SNCAIP: variants seen among roughly 807,000 people sequenced by gnomAD.
SNCAIP encodes synuclein alpha interacting protein.
SNCAIP carries 43 observed loss-of-function variants against 86.7 expected under a neutral mutation model. The observed-to-expected ratio is 0.50, with a 90% CI of 0.39 to 0.64. SNCAIP has a LOEUF of 0.64. Among genes scored for constraint, SNCAIP ranks in the 30% least tolerant of loss-of-function variants. The pLI is 0.00. For missense variants in SNCAIP, 981 were observed against 1,103.1 expected (o/e 0.89, Z 1.57); for synonymous variants, 417 against 427.2 (o/e 0.98, Z 0.29).
At chr5:122,355,701 C>G (rs572073266) in intron 1 of SNCAIP, among the ~76,000 whole-genome samples, 1 of 152,286 alleles carries the variant, frequency 6.6e-6, no homozygotes, top group Admixed American at 6.5e-5. Context: ...GGCCTAGACT[C>G]ACAGAGGGGA....
chr5:122,427,220 G>T (rs1037011331), intron 5 of SNCAIP, among the ~76,000 whole-genome samples: 2 of 152,080 alleles, frequency 1.3e-5, no homozygotes, highest in Non-Finnish European at 2.9e-5. Flanking sequence ...AAAAATCTCT[G>T]AGTAGAAGGT....
intron 3 of SNCAIP, 151 bp downstream of exon 3, chr5:122,404,016 G>T (rs1300182073): frequency 1.2e-5 from 8 of 690,528 alleles, no homozygotes; most frequent in Non-Finnish European, 1.9e-5. Context: ...CTCATGCCCT[G>T]CCTTCAACAA....
intron 1 of SNCAIP, among the ~76,000 whole-genome samples, chr5:122,332,104 C>G (rs1755474773): frequency 6.6e-6 from 1 of 152,166 alleles, no homozygotes; most frequent in African/African-American, 2.4e-5. Context: ...TTGCAAGATG[C>G]AAAGATGCAT....
chr5:122,347,195 A>G (rs1052729241), intron 1 of SNCAIP, among the ~76,000 whole-genome samples: 1 of 152,058 alleles, frequency 6.6e-6, no homozygotes, highest in Non-Finnish European at 1.5e-5. Flanking sequence ...TTTTACCCAC[A>G]AATTGTTTGA....
chr5:122,432,780 C>T (rs1274075811), intron 6 of SNCAIP, among the ~76,000 whole-genome samples: 3 of 152,032 alleles, frequency 2.0e-5, no homozygotes, highest in Non-Finnish European at 2.9e-5. Flanking sequence ...AAATTACTAC[C>T]TCCCTTTGGA....
Position 122,451,023 on chromosome 5 carries a change from T to A in SNCAIP, c.2176T>A (p.Leu726Met), listed in dbSNP as rs180907131. 1.7e-5 allele frequency: 27 copies of A among 1,614,146 alleles called. No individual in the cohort carries two copies. The African/African-American group carries it at 3.2e-4, about 19-fold the overall frequency. ...GCACCTGATGATTAAGAAACACACC[T>A]TGGCATCAGGGGGACGCAGGTTTCC... ...SLHLMIKKHTLASGGRRFPFS... is the reference protein window; with the variant it reads ...SLHLMIKKHTMASGGRRFPFS... Residue 726 changes from leucine to methionine, a missense_variant, in exon 10 of 11, where the codon TTG becomes ATG. By Grantham distance (15) the Leu-to-Met change is conservative. Coordinates refer to ENST00000261368, the MANE Select transcript of SNCAIP (RefSeq NM_005460.4).
At chr5:122,447,845 C>A (rs1782661338) in intron 8 of SNCAIP, among the ~76,000 whole-genome samples, 1 of 152,156 alleles carries the variant, frequency 6.6e-6, no homozygotes, top group African/African-American at 2.4e-5. Flanking sequence ...AGTTGGGATA[C>A]AATTGTATGG....
chr5:122,380,431 T>C (rs1303316952), intron 1 of SNCAIP, among the ~76,000 whole-genome samples: 1 of 151,616 alleles, frequency 6.6e-6, no homozygotes, highest in African/African-American at 2.4e-5. Flanking sequence ...TCTTCTCTCT[T>C]TTTTTCTTCA....
At chr5:122,357,256 G>A (rs1761206614) in intron 1 of SNCAIP, among the ~76,000 whole-genome samples, 1 of 151,760 alleles carries the variant, frequency 6.6e-6, no homozygotes, top group African/African-American at 2.4e-5. Flanking sequence ...TTTATTTCAA[G>A]ACAGAGTCTT....
chr5:122,380,331 C>T (rs368409490), intron 1 of SNCAIP, among the ~76,000 whole-genome samples: 8 of 152,066 alleles, frequency 5.3e-5, no homozygotes, highest in Admixed American at 2.6e-4. Context: ...TTTGCATAGA[C>T]GTGTTTGTAG....
intron 8 of SNCAIP, among the ~76,000 whole-genome samples, chr5:122,447,978 C>T (rs1687451137): frequency 6.6e-6 from 1 of 152,198 alleles, no homozygotes; most frequent in Non-Finnish European, 1.5e-5. Context: ...AATGAGATCA[C>T]AGACTTCTCT....
At chr5:122,363,684 T>TAA (rs11397559) in intron 1 of SNCAIP, among the ~76,000 whole-genome samples, 13,946 of 147,824 alleles carry the variant, frequency 0.094, 928 homozygotes, top group Non-Finnish European at 0.15. Flanking sequence ...GGTAAGGAGT[T>TAA]AAAAAAAAAA....
intron 8 of SNCAIP, among the ~76,000 whole-genome samples, chr5:122,447,487 T>C (rs1782591377): frequency 7.4e-6 from 1 of 136,026 alleles, no homozygotes; most frequent in Non-Finnish European, 1.6e-5. Flanking sequence ...GTCAACCCAA[T>C]TACCCCAAAA....
At chr5:122,427,577 C>T (rs972783374) in intron 5 of SNCAIP, among the ~76,000 whole-genome samples, 6 of 152,026 alleles carry the variant, frequency 3.9e-5, no homozygotes, top group Non-Finnish European at 8.8e-5. Context: ...TCTGTCCTGA[C>T]GCATATTTTG....
chr5:122,350,948 A>T (rs1407242822), intron 1 of SNCAIP, among the ~76,000 whole-genome samples: 1 of 152,236 alleles, frequency 6.6e-6, no homozygotes, highest in Non-Finnish European at 1.5e-5. Flanking sequence ...ATTCTTGCTG[A>T]TAGTGTTGAG....
At chr5:122,342,807 T>A (rs1757852236) in intron 1 of SNCAIP, among the ~76,000 whole-genome samples, 1 of 152,224 alleles carries the variant, frequency 6.6e-6, no homozygotes, top group Non-Finnish European at 1.5e-5. Flanking sequence ...GCTTCCTTTT[T>A]TGTCACTCGT....
chr5:122,444,025 T>C, intron 7 of SNCAIP: 1 of 456,294 alleles, frequency 2.2e-6, no homozygotes, highest in Non-Finnish European at 4.4e-6. Flanking sequence ...CATAGCCCAT[T>C]GTGGGAGGGT....
intron 3 of SNCAIP, among the ~76,000 whole-genome samples, chr5:122,409,152 T>C (rs1241756244): frequency 1.3e-5 from 2 of 152,230 alleles, no homozygotes; most frequent in Non-Finnish European, 2.9e-5. Context: ...CTCTGCTTAA[T>C]ATCTACTACT....
chr5:122,362,993 ATT>A (rs769726232), intron 1 of SNCAIP, among the ~76,000 whole-genome samples: 199 of 113,930 alleles, frequency 1.7e-3, no homozygotes, highest in African/African-American at 5.7e-3. Flanking sequence ...CATAAATTCT[ATT>A]TTTTTTTTTT....
Sources: allele counts gnomAD v4.1 joint callset (sites outside exome capture counted in the v4.1 genomes callset), GRCh38; gene constraint gnomAD v4.1.1; transcripts MANE v1.5; gene names NCBI Gene and HGNC (gene_info 2026-07-23, HGNC 2026-07-21).